CHKA: variants seen among roughly 807,000 people sequenced by gnomAD.
CHKA encodes choline kinase alpha, also known as CHETK-alpha.
A neutral mutation model predicts 60.1 loss-of-function variants in CHKA; 34 were observed. The ratio of observed to expected loss-of-function variants is 0.57; its 90% confidence interval spans 0.43 to 0.75. CHKA has a LOEUF of 0.75. Ranked by LOEUF, CHKA falls within the 30% of genes least tolerant of loss-of-function variation. The probability of loss-of-function intolerance (pLI) is 0.00; values close to 1 mark genes in which losing one functional copy is unlikely to be tolerated. For missense variants in CHKA, 563 were observed against 561.3 expected, an observed-to-expected ratio of 1.00 and a Z score of -0.03; for synonymous variants, 217 against 223.1, an observed-to-expected ratio of 0.97 and a Z score of 0.24.
intron 2 of CHKA, among the ~76,000 whole-genome samples, chr11:68,085,651 T>G (rs992773103): frequency 5.3e-5 from 8 of 152,238 alleles, no homozygotes; most frequent in African/African-American, 1.7e-4. Context: ...TTCTATACTT[T>G]AAAAAGTGCT....
chr11:68,060,242 C>T (rs2134495350), intron 11 of CHKA, among the ~76,000 whole-genome samples: 1 of 151,864 alleles, frequency 6.6e-6, no homozygotes, highest in South Asian at 2.1e-4. Context: ...CCGTGTTTGC[C>T]AGGATGGTCT....
chr11:68,097,264 A>G, intron 1 of CHKA, 134 bp from the exon 2 acceptor site: 1 of 566,166 alleles, frequency 1.8e-6, no homozygotes, highest in Non-Finnish European at 3.0e-6. Flanking sequence ...CTCTCAATTT[A>G]ACTCCATGAG....
At position 68,120,981 on chromosome 11, in the gene CHKA, G is replaced by C. The variant is rs1278966672; in HGVS notation, c.197C>G (p.Pro66Arg). ...CGGCGGGGGCTGGGGCAGCGGCAGCGGCAGCGGCAGCGGCGGCGGAGGGGG... is the reference window on the plus strand; with the variant it reads ...CGGCGGGGGCTGGGGCAGCGGCAGCCGCAGCGGCAGCGGCGGCGGAGGGGG... ...ALPPPPPLPL[P>R]LPLPQPPPPQ... is the part of the protein sequence containing the mutation. Residue 66 changes from proline (P) to arginine (R), a missense_variant, in exon 1 of 12, where the codon CCG becomes CGG. Pro to Arg is a moderately radical substitution (Grantham distance 103). Coordinates refer to ENST00000265689, the MANE Select transcript of CHKA (RefSeq NM_001277.3). 1.8e-6 allele frequency: 2 copies of C among 1,117,966 alleles called. No individual in the cohort carries two copies. Among genetic ancestry groups the C allele is most frequent in the Non-Finnish European group, 2.2e-6 (2 of 915,082 alleles). The allele number at this position is 1,117,966 out of a possible 1,614,324, so 69.3% of individuals were successfully genotyped here. A position where few individuals can be genotyped will look rare whatever the true frequency, so the allele number is the denominator to read the frequency against.
chr11:68,084,103 C>T (rs868044305), intron 2 of CHKA, among the ~76,000 whole-genome samples: 1 of 151,096 alleles, frequency 6.6e-6, no homozygotes, highest in Admixed American at 6.6e-5. Context: ...AAAAATTAGC[C>T]GGGCATAGTG....
intron 11 of CHKA, among the ~76,000 whole-genome samples, chr11:68,058,863 CCT>C (rs1856120080): frequency 6.6e-6 from 1 of 152,134 alleles, no homozygotes; most frequent in African/African-American, 2.4e-5. Flanking sequence ...GGACATTTTC[CCT>C]GTTACCACTA....
chr11:68,070,280 C>T lies in CHKA; in HGVS notation c.778G>A (p.Val260Met), dbSNP rs1218676794. The T allele has an allele frequency of 1.2e-6, 2 of 1,611,476 alleles. No individual in the cohort carries two copies. The highest frequency in any genetic ancestry group is 1.7e-6 in the Non-Finnish European group (2 of 1,177,910). ...TCCTCAGTAAATTTAATTCTCAGCACTTCCTTTAGATACCTATTAAAAAAT... is the reference window on the plus strand; with the variant it reads ...TCCTCAGTAAATTTAATTCTCAGCATTTCCTTTAGATACCTATTAAAAAAT... ...FGTMEKYLKEVLRIKFTEESR... is the reference protein window; with the variant it reads ...FGTMEKYLKEMLRIKFTEESR... Residue 260 changes from valine (V) to methionine (M), a missense_variant, in exon 6 of 12, where the codon GTG (valine) becomes ATG (methionine). Transcript: ENST00000265689.
intron 4 of CHKA, 149 bp from the exon 5 acceptor site, chr11:68,071,006 C>CATT: frequency 1.4e-6 from 1 of 716,576 alleles, no homozygotes; most frequent in Non-Finnish European, 2.2e-6. Context: ...ACACTGTGTC[C>CATT]CTACAGACAG....
Position 68,121,249 on chromosome 11 carries a change from C to A in CHKA, c.-72G>T. The A allele has an allele frequency of 1.9e-6, 2 of 1,062,614 alleles. No individual in the cohort carries two copies. Among genetic ancestry groups the A allele is most frequent in the Admixed American group, 5.4e-5 (1 of 18,364 alleles). The allele number at this position is 1,062,614 out of a possible 1,614,324, so 65.8% of individuals were successfully genotyped here. On this transcript the variant is annotated 5_prime_UTR_variant, in exon 1 of 12. Transcript: ENST00000265689. ...ACTAGGCTCAGAGTCCGGCCGGGCG[C>A]CCCCTCGCCGCTCTCTCACTGGCAG...
At chr11:68,109,682 G>C (rs992182388) in intron 1 of CHKA, among the ~76,000 whole-genome samples, 2 of 152,208 alleles carry the variant, frequency 1.3e-5, no homozygotes, top group African/African-American at 4.8e-5. Flanking sequence ...GCTGGATGTG[G>C]TGGCTCGTGC....
At chr11:68,086,205 T>G (rs1370679086) in intron 2 of CHKA, among the ~76,000 whole-genome samples, 1 of 151,998 alleles carries the variant, frequency 6.6e-6, no homozygotes, top group Non-Finnish European at 1.5e-5. Context: ...TCTCAGCTAC[T>G]CGGGAAGCTG....
In CHKA at chr11:68,081,434, G is replaced by T. The variant is rs200300079; in HGVS notation, c.486C>A (p.Ser162=). 2.5e-6 allele frequency: 4 copies of T among 1,613,270 alleles called. No homozygotes were observed. Among genetic ancestry groups the T allele is most frequent in the African/African-American group, 1.3e-5 (1 of 74,854 alleles). Residue 162 remains serine (S), a synonymous_variant, in exon 3 of 12, where the codon TCC becomes TCA. Coordinates refer to ENST00000265689, the MANE Select transcript of CHKA (RefSeq NM_001277.3). ...ATTCATTTTCTTTCTGAGCTTGTTC[G>T]GATCCCTCTTTATTACAGGACCTCT... ...LQMRSCNKEG[S]EQAQKENEFQ...
intron 1 of CHKA, among the ~76,000 whole-genome samples, chr11:68,111,508 G>T (rs910146357): frequency 2.6e-5 from 4 of 151,794 alleles, no homozygotes; most frequent in African/African-American, 9.7e-5. Flanking sequence ...GAACCCGGGA[G>T]ACAGAGGTTG....
rs1176306364 is a variant in CHKA, at chr11:68,082,859, TC to T, written c.463-1403del. Reference sequence around the variant, plus strand: ...ATTTATGATATTTTCATTTGTGTAATCTGCAGTTCTCTGATGAAAAGATGTT... The same window carrying T: ...ATTTATGATATTTTCATTTGTGTAATTGCAGTTCTCTGATGAAAAGATGTT... On this transcript the variant is annotated intron_variant, in intron 2 of 11. Coordinates refer to ENST00000265689, the MANE Select transcript of CHKA (RefSeq NM_001277.3). Among the ~76,000 whole-genome samples the T allele has an allele frequency of 3.3e-5, 5 of 152,350 alleles. No individual in the cohort carries two copies. In the South Asian group the frequency reaches 1.0e-3, roughly 32 times the overall value.
intron 7 of CHKA, among the ~76,000 whole-genome samples, chr11:68,067,559 C>G (rs561803980): frequency 1.3e-5 from 2 of 152,132 alleles, no homozygotes; most frequent in Non-Finnish European, 2.9e-5. Context: ...TGCACTACTG[C>G]ACACCAGCCT....
rs572335450 is a variant in CHKA, at chr11:68,084,359, T to C, written c.463-2902A>G. Among the ~76,000 whole-genome samples, 99 of 136,944 alleles carry C rather than the reference T, an allele frequency of 7.2e-4. 1 individual carries two copies. Among genetic ancestry groups the C allele is most frequent in the East Asian group, 2.7e-3 (13 of 4,736 alleles). 89.8% of individuals were successfully genotyped at this position (136,944 alleles called of 152,430 possible). On this transcript the variant is annotated intron_variant, in intron 2 of 11. Coordinates refer to ENST00000265689, the MANE Select transcript of CHKA (RefSeq NM_001277.3). The stretch of plus-strand genomic sequence containing the variant: ...ACGTATATATATGTGTATATATATA[T>C]ACACATATATACGTATATGTGTATA...
chr11:68,053,065 A>C lies in CHKA; in HGVS notation c.*923T>G, dbSNP rs893787426. On this transcript the variant is annotated 3_prime_UTR_variant, in exon 12 of 12. Coordinates refer to ENST00000265689, the MANE Select transcript of CHKA (RefSeq NM_001277.3). ...GCTGCTGTCTCCCACAAGAATGATGATGTCAGGGGCATCAGGAAAGGTAAG... is the reference window on the plus strand; with the variant it reads ...GCTGCTGTCTCCCACAAGAATGATGCTGTCAGGGGCATCAGGAAAGGTAAG... 10 of 152,524 alleles carry C rather than the reference A, an allele frequency of 6.6e-5. No homozygotes were observed. The highest frequency in any genetic ancestry group is 2.4e-4 in the African/African-American group (10 of 41,412). 9.4% of individuals were successfully genotyped at this position (152,524 alleles called of 1,614,324 possible). A position where few individuals can be genotyped will look rare whatever the true frequency, so the allele number is the denominator to read the frequency against.
chr11:68,079,319 A>T (rs1856897452), intron 3 of CHKA, among the ~76,000 whole-genome samples: 1 of 150,732 alleles, frequency 6.6e-6, no homozygotes, highest in African/African-American at 2.4e-5. Flanking sequence ...GGTGCATGGG[A>T]AATCTCTGTA....
At chr11:68,069,850 C>T (rs955835577) in intron 6 of CHKA, among the ~76,000 whole-genome samples, 2 of 152,176 alleles carry the variant, frequency 1.3e-5, no homozygotes, top group Non-Finnish European at 2.9e-5. Flanking sequence ...ATCTTCCTCA[C>T]ACTCCCCAGC....
intron 11 of CHKA, among the ~76,000 whole-genome samples, chr11:68,058,193 T>C (rs1181005962): frequency 2.6e-5 from 4 of 152,210 alleles, no homozygotes. Context: ...ACCTGGATGA[T>C]TTACATTACT....
Sources: gnomAD v4.1 joint callset for allele counts (sites outside exome capture counted in the v4.1 genomes callset) on GRCh38, gnomAD v4.1.1 for gene constraint, MANE v1.5 for transcripts, NCBI Gene and HGNC (gene_info 2026-07-23, HGNC 2026-07-21) for gene names.